Variants in LRP1B observed in about 807,000 individuals in gnomAD.
LRP1B encodes LDL receptor related protein 1B, also known as low-density lipoprotein receptor-related protein 1B.
Under a neutral mutation model 556.6 loss-of-function variants are expected in LRP1B, and 217 were observed. The ratio of observed to expected loss-of-function variants is 0.39; its 90% CI spans 0.35 to 0.44. The LOEUF is 0.44. Among genes scored for constraint, LRP1B ranks in the 20% least tolerant of loss-of-function variants. The pLI is 1.00. For synonymous variants in LRP1B, 2,047 were observed against 1,865.8 expected (o/e 1.10, Z -2.50); for missense variants, 5,053 against 5,620.8 (o/e 0.90, Z 3.23).
chr2:140,969,210 G>C (rs1696331092), intron 18 of LRP1B, among the ~76,000 whole-genome samples: 1 of 152,154 alleles, frequency 6.6e-6, no homozygotes, highest in African/African-American at 2.4e-5. Context: ...GAATCTGGGT[G>C]CTCCTGTATT....
chr2:140,997,592 A>C (rs1357751479), intron 15 of LRP1B, among the ~76,000 whole-genome samples: 10 of 151,968 alleles, frequency 6.6e-5, no homozygotes, highest in Admixed American at 2.6e-4. Flanking sequence ...TGTCAACTGC[A>C]TCAGAATTAT....
At chr2:140,595,770 A>AT (rs770740188) in intron 43 of LRP1B, among the ~76,000 whole-genome samples, 4 of 152,124 alleles carry the variant, frequency 2.6e-5, no homozygotes, top group Non-Finnish European at 5.9e-5. Flanking sequence ...ATAAAATTAC[A>AT]TTTTTAAAAA....
chr2:140,869,831 G>T (rs1354398408), intron 25 of LRP1B, among the ~76,000 whole-genome samples: 1 of 152,044 alleles, frequency 6.6e-6, no homozygotes. Flanking sequence ...CAAATTTCAG[G>T]AGCTTAAAAT....
intron 3 of LRP1B, among the ~76,000 whole-genome samples, chr2:141,271,138 T>C (rs1189086446): frequency 6.6e-6 from 1 of 151,896 alleles, no homozygotes; most frequent in Non-Finnish European, 1.5e-5. Flanking sequence ...AGGGGTTTCA[T>C]AGTACATTTT....
chr2:141,515,227 G>GGGAGGT (rs777864821), intron 2 of LRP1B, among the ~76,000 whole-genome samples: 1 of 151,818 alleles, frequency 6.6e-6, no homozygotes, highest in Non-Finnish European at 1.5e-5. Context: ...GCTTGAACCT[G>GGGAGGT]GGAGGTGGAG....
At chr2:141,021,726 C>T (rs976785114) in intron 11 of LRP1B, among the ~76,000 whole-genome samples, 5 of 151,828 alleles carry the variant, frequency 3.3e-5, no homozygotes, top group Non-Finnish European at 7.4e-5. Context: ...TTATTTTTTT[C>T]ATATGAAGCA....
At chr2:140,715,684 C>T (rs1003429023) in intron 37 of LRP1B, among the ~76,000 whole-genome samples, 8 of 151,970 alleles carry the variant, frequency 5.3e-5, no homozygotes, top group Non-Finnish European at 7.4e-5. Context: ...TAATTGAATA[C>T]CTAATTATGT....
intron 1 of LRP1B, among the ~76,000 whole-genome samples, chr2:141,873,839 C>T (rs1466381391): frequency 6.6e-6 from 1 of 151,480 alleles, no homozygotes; most frequent in Non-Finnish European, 1.5e-5. Context: ...CAAATTTGGA[C>T]CACTTTTTTA....
Position 140,871,260 on chromosome 2 carries a change from T to A in LRP1B, c.4170-2997A>T, listed in dbSNP as rs186609017. Among the ~76,000 whole-genome samples the A allele has an allele frequency of 9.2e-5, 14 of 152,220 alleles. No homozygotes were observed. The East Asian group carries it at 2.7e-3, about 29-fold the overall frequency. On this transcript the variant is annotated intron_variant, in intron 25 of 90. Coordinates refer to ENST00000389484, the MANE Select transcript of LRP1B (RefSeq NM_018557.3). ...GTACACATTTGTTGGGAACATTAGGTGAGAAAATGGATGTAAACAATTTAG... is the reference window on the plus strand; with the variant it reads ...GTACACATTTGTTGGGAACATTAGGAGAGAAAATGGATGTAAACAATTTAG...
chr2:140,546,000 TTGTG>T lies in LRP1B; in HGVS notation c.7195-4033_7195-4030del, dbSNP rs148045904. On this transcript the variant is annotated intron_variant, in intron 43 of 90. Transcript: ENST00000389484. Reference sequence around the variant, plus strand: ...CTCACTGGTTAGCTGTATTATTAGGTTGTGTGTGTGTGTGTGTGTGTGTGTGTGT... The same window carrying T: ...CTCACTGGTTAGCTGTATTATTAGGTTGTGTGTGTGTGTGTGTGTGTGTGT... Among the ~76,000 whole-genome samples, 958 of 142,682 alleles carry T rather than the reference TTGTG, an allele frequency of 6.7e-3. 7 individuals are homozygous for T. The highest frequency in any genetic ancestry group is 0.019 in the African/African-American group (719 of 38,468). 93.6% of individuals were successfully genotyped at this position (142,682 alleles called of 152,430 possible). A position where few individuals can be genotyped will look rare whatever the true frequency, so the allele number is the denominator to read the frequency against.
At chr2:141,677,824 A>G (rs1690946777) in intron 2 of LRP1B, among the ~76,000 whole-genome samples, 1 of 152,172 alleles carries the variant, frequency 6.6e-6, no homozygotes, top group Admixed American at 6.5e-5. Context: ...TAGGAAACAT[A>G]AGCAAAATGG....
intron 35 of LRP1B, among the ~76,000 whole-genome samples, chr2:140,718,645 T>A (rs1270390080): frequency 6.6e-6 from 1 of 152,048 alleles, no homozygotes; most frequent in Non-Finnish European, 1.5e-5. Flanking sequence ...TAAGAATTTC[T>A]CTCCGCTGTC....
At chr2:141,076,708 GTTTA>G (rs998725032) in intron 7 of LRP1B, among the ~76,000 whole-genome samples, 1 of 152,136 alleles carries the variant, frequency 6.6e-6, no homozygotes, top group African/African-American at 2.4e-5. Context: ...TTCCCTGGCT[GTTTA>G]TTAATTTCTT....
intron 1 of LRP1B, among the ~76,000 whole-genome samples, chr2:141,877,968 A>T (rs2104887302): frequency 6.6e-6 from 1 of 152,042 alleles, no homozygotes; most frequent in Non-Finnish European, 1.5e-5. Context: ...AATAAGAGAA[A>T]GAAAATAGGC....
chr2:141,144,233 G>T (rs1408397138), intron 7 of LRP1B, among the ~76,000 whole-genome samples: 1 of 152,132 alleles, frequency 6.6e-6, no homozygotes, highest in African/African-American at 2.4e-5. Context: ...TTAGATGAAA[G>T]ATTTCATTTC....
chr2:140,363,147 GA>G (rs1329088422), intron 72 of LRP1B, among the ~76,000 whole-genome samples: 1 of 151,590 alleles, frequency 6.6e-6, no homozygotes, highest in African/African-American at 2.4e-5. Flanking sequence ...TAGAGTGTAT[GA>G]AAATTATTTT....
intron 22 of LRP1B, among the ~76,000 whole-genome samples, chr2:140,905,198 C>A (rs1694214550): frequency 6.6e-6 from 1 of 152,054 alleles, no homozygotes; most frequent in Non-Finnish European, 1.5e-5. Flanking sequence ...CAAATGATTT[C>A]ATCCTGCTGC....
intron 1 of LRP1B, among the ~76,000 whole-genome samples, chr2:142,048,661 A>G (rs927114329): frequency 6.6e-6 from 1 of 152,076 alleles, no homozygotes; most frequent in Non-Finnish European, 1.5e-5. Flanking sequence ...GTATGTAAAA[A>G]TTGCATTTTA....
chr2:140,411,881 A>C (rs1684981880), intron 66 of LRP1B, among the ~76,000 whole-genome samples: 2 of 152,136 alleles, frequency 1.3e-5, no homozygotes. Context: ...CAATCCTGAT[A>C]ATAGCAAAGA....
Sources: allele counts gnomAD v4.1 joint callset (sites outside exome capture counted in the v4.1 genomes callset), GRCh38; gene constraint gnomAD v4.1.1; transcripts MANE v1.5; gene names NCBI Gene and HGNC (gene_info 2026-07-23, HGNC 2026-07-21).